ZNF625: variants seen among roughly 807,000 people sequenced by gnomAD.
ZNF625 encodes zinc finger protein 625.
Under a neutral mutation model 11.1 loss-of-function variants are expected in ZNF625, and 8 were observed. The observed-to-expected ratio is 0.72, with a 90% CI of 0.42 to 1.30. The LOEUF (loss-of-function observed/expected upper bound fraction) is 1.30, where lower values mean the gene tolerates loss of function less well. Among genes scored for constraint, ZNF625 ranks in the 50% most tolerant of loss-of-function variants. The probability of loss-of-function intolerance (pLI) is 0.01; values close to 1 mark genes in which losing one functional copy is unlikely to be tolerated. For missense variants in ZNF625, 349 were observed against 447.6 expected (o/e 0.78, Z 1.99); for synonymous variants, 145 against 153.4 (o/e 0.95, Z 0.41).
chr19:12,149,334 T>A (rs1364909736), intron 1 of ZNF625, among the ~76,000 whole-genome samples: 2 of 150,922 alleles, frequency 1.3e-5, no homozygotes, highest in Admixed American at 1.3e-4. Context: ...TCAATCCACC[T>A]GTCCATTCAT....
rs761281160 is a variant in ZNF625, at chr19:12,145,538, T to C, written c.878A>G (p.His293Arg). 18 of 1,607,734 alleles carry C rather than the reference T, an allele frequency of 1.1e-5. No homozygotes were observed. Among genetic ancestry groups the C allele is most frequent in the Non-Finnish European group, 1.4e-5 (16 of 1,174,374 alleles). The change falls in exon 4 of 4, where the codon CAT becomes CGT. Residue 293 changes from histidine to arginine, a missense_variant. Transcript: ENST00000439556. Reference sequence around the variant, plus strand: ...CTTCTCTCCAGTGTGAGTTCTTTCATGATATCGAACGGAATTGAAAGAAAC... The same window carrying C: ...CTTCTCTCCAGTGTGAGTTCTTTCACGATATCGAACGGAATTGAAAGAAAC... ...AFVSFNSVRY[H>R]ERTHTGEKPY... is the part of the protein sequence containing the mutation.
rs544585513 is a variant in ZNF625 at position 12,151,668 on chromosome 19, C to T, written c.4-3866G>A. ...TGCTGGGATTATAGATGTGAGCCAC[C>T]GCGCCTGGCCAGTTTTTTTTATTTT... On this transcript the variant is annotated intron_variant, in intron 1 of 3. Transcript: ENST00000439556. Among the ~76,000 whole-genome samples, 5 of 151,926 alleles carry T rather than the reference C, an allele frequency of 3.3e-5. No homozygotes were observed. In the East Asian group the frequency reaches 5.8e-4, roughly 18 times the overall value.
chr19:12,151,536 C>T (rs981619463), intron 1 of ZNF625, among the ~76,000 whole-genome samples: 14 of 151,988 alleles, frequency 9.2e-5, no homozygotes, highest in African/African-American at 3.1e-4. Context: ...CCCGCCACCA[C>T]GCCCGGCTAA....
intron 1 of ZNF625, among the ~76,000 whole-genome samples, chr19:12,153,789 T>C (rs979555935): frequency 3.3e-5 from 5 of 150,954 alleles, no homozygotes; most frequent in African/African-American, 9.8e-5. Flanking sequence ...AAAAGACTTA[T>C]GTTAGTTTTA....
At chr19:12,150,701 T>C (rs1424657054) in intron 1 of ZNF625, among the ~76,000 whole-genome samples, 1 of 152,170 alleles carries the variant, frequency 6.6e-6, no homozygotes. Flanking sequence ...GGACTTAGAC[T>C]TGAAACCCTG....
rs565124101 is a variant in ZNF625, at chr19:12,154,071, T to C, written c.3+2485A>G. Among the ~76,000 whole-genome samples, 5 of 152,218 alleles carry C rather than the reference T, an allele frequency of 3.3e-5. No individual in the cohort carries two copies. In the East Asian group the frequency reaches 9.7e-4, roughly 30 times the overall value. ...ATCCACCCGCCTCAGCCTCCCAAAGTGCTGGGATTATAGGCGTGAGCCACC... is the reference window on the plus strand; with the variant it reads ...ATCCACCCGCCTCAGCCTCCCAAAGCGCTGGGATTATAGGCGTGAGCCACC... On this transcript the variant is annotated intron_variant, in intron 1 of 3. Transcript: ENST00000439556.
In ZNF625 at chr19:12,145,942, A is replaced by G; in HGVS notation, c.474T>C (p.Thr158=). The G allele has an allele frequency of 6.2e-7, 1 of 1,614,240 alleles. No homozygotes were observed. The highest frequency in any genetic ancestry group is 8.5e-7 in the Non-Finnish European group (1 of 1,180,030). The change falls in exon 4 of 4, where the codon ACT becomes ACC. Residue 158 remains threonine, a synonymous_variant. Coordinates refer to ENST00000439556, the MANE Select transcript of ZNF625 (RefSeq NM_145233.4). ...CCTCACAATCATAAGGTTTCCCCCC[A>G]GTGTGAGCCCATTCATGTGTTCGAA... ...PYFRTHEWAH[T]GGKPYDCEEC...
At position 12,147,739 on chromosome 19, in the gene ZNF625, G is replaced by A; in HGVS notation, c.67C>T (p.Pro23Ser). The stretch of plus-strand genomic sequence containing the variant: ...TCTCTGTAGAGATTCTTCTGGGAAG[G>A]ATCCAGCAAAGCCCACTCCTCCTGG... ...FTQEEWALLD[P>S]SQKNLYRDVM... The change falls in exon 2 of 4, where the codon CCT (proline) becomes TCT (serine). Residue 23 changes from proline (P) to serine (S), a missense_variant. Pro to Ser is a moderately conservative substitution (Grantham distance 74). Transcript: ENST00000439556. The A allele has an allele frequency of 1.2e-6, 2 of 1,614,070 alleles. No individual in the cohort carries two copies. Among genetic ancestry groups the A allele is most frequent in the Non-Finnish European group, 1.7e-6 (2 of 1,180,004 alleles).
chr19:12,156,449 G>T, intron 1 of ZNF625, 107 bp downstream of exon 1: 1 of 964,742 alleles, frequency 1.0e-6, no homozygotes, highest in Non-Finnish European at 1.4e-6. Flanking sequence ...ACTCCGCTCT[G>T]CAGACCCGAA....
chr19:12,152,236 G>C (rs760935338), intron 1 of ZNF625, among the ~76,000 whole-genome samples: 24 of 151,816 alleles, frequency 1.6e-4, no homozygotes, highest in Admixed American at 3.3e-4. Context: ...ATATGTACAT[G>C]TATATGTGTA....
chr19:12,155,977 G>T (rs528190398), intron 1 of ZNF625, among the ~76,000 whole-genome samples: 1 of 151,950 alleles, frequency 6.6e-6, no homozygotes, highest in African/African-American at 2.4e-5. Context: ...CAGCCCCCCA[G>T]TAGCTGGGAT....
intron 1 of ZNF625, among the ~76,000 whole-genome samples, chr19:12,150,857 A>G (rs1045355817): frequency 6.6e-6 from 1 of 151,960 alleles, no homozygotes; most frequent in Non-Finnish European, 1.5e-5. Context: ...GTCACTCCAT[A>G]AACTGGGTGA....
In ZNF625 at chr19:12,145,125, TA is replaced by T; in HGVS notation, c.*171del. 1 of 719,792 alleles carries T rather than the reference TA, an allele frequency of 1.4e-6. No individual in the cohort carries two copies. The highest frequency in any genetic ancestry group is 2.4e-6 in the Non-Finnish European group (1 of 424,508). 44.6% of individuals were successfully genotyped at this position (719,792 alleles called of 1,614,324 possible). A position where few individuals can be genotyped will look rare whatever the true frequency, so the allele number is the denominator to read the frequency against. On this transcript the variant is annotated 3_prime_UTR_variant, in exon 4 of 4. Transcript: ENST00000439556. ...CTAGGTATCTGAGTGAGGCCCCAGCTAAACTACTCCCAAAAATTTTTGCTCC... is the reference window on the plus strand; with the variant it reads ...CTAGGTATCTGAGTGAGGCCCCAGCTAACTACTCCCAAAAATTTTTGCTCC...
In ZNF625 at chr19:12,146,021, T is replaced by C; in HGVS notation, c.395A>G (p.Gln132Arg). Reference protein sequence around the residue: ...HKPYEYQEYGQKPYKCTYCKK... With the variant: ...HKPYEYQEYGRKPYKCTYCKK... ...ACAGTATGTACATTTATATGGCTTC[T>C]GTCCATATTCCTGATACTCATATGG... is the stretch of plus-strand genomic sequence containing the variant. The change falls in exon 4 of 4, where the codon CAG (glutamine) becomes CGG (arginine). Residue 132 changes from glutamine to arginine, a missense_variant. Gln to Arg is a conservative substitution (Grantham distance 43). Coordinates refer to ENST00000439556, the MANE Select transcript of ZNF625 (RefSeq NM_145233.4). The C allele has an allele frequency of 6.2e-7, 1 of 1,614,230 alleles. No individual in the cohort carries two copies. The highest frequency in any genetic ancestry group is 8.5e-7 in the Non-Finnish European group (1 of 1,180,038).
At position 12,155,977 on chromosome 19, in the gene ZNF625, G is replaced by C. The variant is rs528190398; in HGVS notation, c.3+579C>G. 3.3e-5 allele frequency among the ~76,000 whole-genome samples: 5 copies of C among 152,070 alleles called. No individual in the cohort carries two copies. In the South Asian group the frequency reaches 1.0e-3, roughly 32 times the overall value. On this transcript the variant is annotated intron_variant, in intron 1 of 3. Coordinates refer to ENST00000439556, the MANE Select transcript of ZNF625 (RefSeq NM_145233.4). Reference sequence around the variant, plus strand: ...GCGATCCTCCCACCTCAGCCCCCCAGTAGCTGGGATTACAGGTGGGCGGCA... The same window carrying C: ...GCGATCCTCCCACCTCAGCCCCCCACTAGCTGGGATTACAGGTGGGCGGCA...
At chr19:12,152,912 A>G (rs550053539) in intron 1 of ZNF625, among the ~76,000 whole-genome samples, 1 of 152,216 alleles carries the variant, frequency 6.6e-6, no homozygotes, top group African/African-American at 2.4e-5. Context: ...ACTATAAGGT[A>G]TATATAAAAA....
intron 1 of ZNF625, among the ~76,000 whole-genome samples, 179 bp downstream of exon 1, chr19:12,156,377 C>G (rs1977026776): frequency 6.6e-6 from 1 of 151,574 alleles, no homozygotes; most frequent in Non-Finnish European, 1.5e-5. Context: ...CCTGGGGTCC[C>G]GGCTGCCGGC....
Position 12,145,388 on chromosome 19 carries a change from G to T in ZNF625, c.1028C>A (p.Ala343Asp). 6.2e-7 allele frequency: 1 copy of T among 1,614,086 alleles called. No homozygotes were observed. The highest frequency in any genetic ancestry group is 1.1e-5 in the South Asian group (1 of 91,066). The change falls in exon 4 of 4, where the codon GCC (alanine) becomes GAC (aspartate). Residue 343 changes from alanine (A) to aspartate (D), a missense_variant. Transcript: ENST00000439556. The stretch of plus-strand genomic sequence containing the variant: ...CCTTTCATGGATTTTAACGCTCGAG[G>T]CACATCCAAAGGCTTTACCACATTG... ...CKQCGKAFGC[A>D]SSVKIHERTH...
chr19:12,156,457 G>C, intron 1 of ZNF625, 99 bp downstream of exon 1: 1 of 1,042,338 alleles, frequency 9.6e-7, no homozygotes. Context: ...CTGCAGACCC[G>C]AAGTCGCTGC....
Sources: gnomAD v4.1 joint callset for allele counts (sites outside exome capture counted in the v4.1 genomes callset) on GRCh38, gnomAD v4.1.1 for gene constraint, MANE v1.5 for transcripts, NCBI Gene and HGNC (gene_info 2026-07-23, HGNC 2026-07-21) for gene names.